The following EYS variants were observed in gnomAD, a reference collection of about 807,000 sequenced individuals.
EYS encodes protein eyes shut homolog.
In EYS, 250 loss-of-function variants were observed where a neutral mutation model predicts 282.1. The ratio of observed to expected loss-of-function variants is 0.89; its 90% CI spans 0.80 to 0.98. The LOEUF (loss-of-function observed/expected upper bound fraction) is 0.98, where lower values mean the gene tolerates loss of function less well. EYS is among the 50% of genes least tolerant of loss of function. The pLI, the probability that EYS is intolerant of heterozygous loss-of-function variation, is 0.00. For synonymous variants in EYS, 1,355 were observed against 1,282.9 expected (o/e 1.06, Z -1.20); for missense variants, 4,016 against 3,709.0 (o/e 1.08, Z -2.15).
intron 10 of EYS, among the ~76,000 whole-genome samples, chr6:65,340,520 G>A (rs563044027): frequency 6.6e-6 from 1 of 151,026 alleles, no homozygotes; most frequent in African/African-American, 2.4e-5. Context: ...ACATAAGACT[G>A]TGAACCAACT....
chr6:64,984,224 T>G (rs1329252435), intron 14 of EYS, among the ~76,000 whole-genome samples: 1 of 151,336 alleles, frequency 6.6e-6, no homozygotes, highest in Non-Finnish European at 1.5e-5. Context: ...CCTTGACATC[T>G]CCCTTCCAAT....
chr6:65,443,888 T>C (rs1489476280), intron 5 of EYS, among the ~76,000 whole-genome samples: 1 of 151,848 alleles, frequency 6.6e-6, no homozygotes, highest in African/African-American at 2.4e-5. Flanking sequence ...AAGTTAATCC[T>C]CATGTTAGTT....
intron 33 of EYS, among the ~76,000 whole-genome samples, chr6:64,018,839 G>C (rs1769032191): frequency 7.8e-6 from 1 of 127,786 alleles, no homozygotes; most frequent in African/African-American, 3.0e-5. Flanking sequence ...CAATGGCACA[G>C]TCTCAGCTCA....
At chr6:64,115,829 G>A (rs1309842653) in intron 31 of EYS, among the ~76,000 whole-genome samples, 4 of 152,082 alleles carry the variant, frequency 2.6e-5, no homozygotes, top group Non-Finnish European at 5.9e-5. Context: ...TAATATTCTA[G>A]TAACAGACTT....
chr6:65,573,981 C>A (rs1764569872), intron 2 of EYS, among the ~76,000 whole-genome samples: 1 of 152,130 alleles, frequency 6.6e-6, no homozygotes, highest in Admixed American at 6.6e-5. Context: ...CTGTGCATGC[C>A]TATTCTGTCA....
chr6:63,721,835 TAA>T, intron 42 of EYS, 38 bp from the exon 43 acceptor site: 2 of 1,499,230 alleles, frequency 1.3e-6, no homozygotes, highest in South Asian at 1.3e-5. Flanking sequence ...TTAGCAACAG[TAA>T]AAGTTTCCAT....
chr6:65,146,014 C>A (rs974566991), intron 12 of EYS, among the ~76,000 whole-genome samples: 3 of 151,444 alleles, frequency 2.0e-5, no homozygotes, highest in African/African-American at 7.3e-5. Context: ...ACTTTAAATT[C>A]AACTTTTCTA....
At chr6:64,415,541 T>C (rs554219414) in intron 28 of EYS, among the ~76,000 whole-genome samples, 1 of 152,294 alleles carries the variant, frequency 6.6e-6, no homozygotes, top group Admixed American at 6.5e-5. Flanking sequence ...CTGTATCACA[T>C]TGCTCTTGGA....
intron 22 of EYS, among the ~76,000 whole-genome samples, chr6:64,755,388 A>T (rs1772901200): frequency 6.6e-6 from 1 of 152,030 alleles, no homozygotes; most frequent in African/African-American, 2.4e-5. Flanking sequence ...TCAAAATACC[A>T]TTATTGATTT....
At chr6:64,550,654 A>G (rs1196889366) in intron 26 of EYS, among the ~76,000 whole-genome samples, 1 of 152,180 alleles carries the variant, frequency 6.6e-6, no homozygotes, top group East Asian at 1.9e-4. Flanking sequence ...TCAATTAGGA[A>G]AAGAGGAAGT....
intron 35 of EYS, among the ~76,000 whole-genome samples, chr6:63,937,635 C>T (rs1399906202): frequency 6.6e-6 from 1 of 151,838 alleles, no homozygotes; most frequent in East Asian, 1.9e-4. Context: ...CTCGCCTCGG[C>T]CTCCCAAAGG....
At chr6:65,471,644 T>C (rs934480218) in intron 5 of EYS, among the ~76,000 whole-genome samples, 3 of 152,090 alleles carry the variant, frequency 2.0e-5, no homozygotes, top group Admixed American at 6.6e-5. Context: ...CCAGAGCCAT[T>C]AGAAAGAAAA....
intron 35 of EYS, among the ~76,000 whole-genome samples, chr6:63,936,846 G>A (rs1765073594): frequency 6.6e-6 from 1 of 152,100 alleles, no homozygotes; most frequent in African/African-American, 2.4e-5. Context: ...CGTGTCACCA[G>A]GAAGCAATCT....
chr6:64,978,293 C>A (rs1770537822), intron 14 of EYS, among the ~76,000 whole-genome samples: 1 of 151,874 alleles, frequency 6.6e-6, no homozygotes, highest in African/African-American at 2.4e-5. Flanking sequence ...ATGCTAGATC[C>A]AGTCTTCCTA....
intron 41 of EYS, among the ~76,000 whole-genome samples, chr6:63,746,724 A>G (rs1309968843): frequency 6.6e-6 from 1 of 152,128 alleles, no homozygotes; most frequent in East Asian, 1.9e-4. Flanking sequence ...AGAGGTGCTT[A>G]TAGTATTCTC....
chr6:64,925,710 C>G (rs144552399), intron 15 of EYS, among the ~76,000 whole-genome samples: 4 of 152,170 alleles, frequency 2.6e-5, no homozygotes, highest in African/African-American at 7.2e-5. Flanking sequence ...TCATCTACAC[C>G]CAAAGGTGTA....
intron 5 of EYS, among the ~76,000 whole-genome samples, chr6:65,413,360 A>G (rs1767101682): frequency 6.6e-6 from 1 of 152,196 alleles, no homozygotes; most frequent in Admixed American, 6.6e-5. Context: ...TGAATTTACA[A>G]GGAAATAGAA....
At chr6:65,640,149 G>GT (rs1343369068) in intron 1 of EYS, among the ~76,000 whole-genome samples, 3 of 152,134 alleles carry the variant, frequency 2.0e-5, no homozygotes, top group African/African-American at 7.2e-5. Flanking sequence ...ACAAATAAAA[G>GT]TAAGTGTAAG....
chr6:65,424,631 G>A (rs1043227762), intron 5 of EYS, among the ~76,000 whole-genome samples: 2 of 151,956 alleles, frequency 1.3e-5, no homozygotes, highest in African/African-American at 4.8e-5. Flanking sequence ...AAGAAGTGAG[G>A]TTTTGAGAGT....
Sources: gnomAD v4.1 joint callset for allele counts (sites outside exome capture counted in the v4.1 genomes callset) on GRCh38, gnomAD v4.1.1 for gene constraint, MANE v1.5 for transcripts, NCBI Gene and HGNC (gene_info 2026-07-23, HGNC 2026-07-21) for gene names.